FRMPD1: variants seen among roughly 807,000 people sequenced by gnomAD.
The protein encoded by FRMPD1 is FERM and PDZ domain-containing protein 1.
In FRMPD1, 76 loss-of-function variants were observed where a neutral mutation model predicts 117.8. The observed-to-expected ratio is 0.65, with a 90% confidence interval of 0.54 to 0.78. The LOEUF (loss-of-function observed/expected upper bound fraction) is 0.78, where lower values mean the gene tolerates loss of function less well. FRMPD1 is among the 30% of genes least tolerant of loss of function. The pLI is 0.00. For synonymous variants in FRMPD1, 783 were observed against 770.4 expected, an observed-to-expected ratio of 1.02 and a Z score of -0.27; for missense variants, 1,786 against 1,964.5, an observed-to-expected ratio of 0.91 and a Z score of 1.72.
intron 5 of FRMPD1, among the ~76,000 whole-genome samples, chr9:37,713,671 T>C (rs1822995337): frequency 6.6e-6 from 1 of 152,018 alleles, no homozygotes; most frequent in African/African-American, 2.4e-5. Flanking sequence ...TAACTATATA[T>C]AGTGTGTGTG....
At chr9:37,608,359 C>T in the FRMPD1 span, among the ~76,000 whole-genome samples, 2 of 150,588 alleles carry the variant, frequency 1.3e-5, no homozygotes, top group Non-Finnish European at 3.0e-5. Context: ...TGCCTACTTT[C>T]TTTCTTTCTC....
the FRMPD1 span, among the ~76,000 whole-genome samples, chr9:37,612,169 A>C: frequency 6.6e-6 from 1 of 152,060 alleles, no homozygotes; most frequent in Non-Finnish European, 1.5e-5. Flanking sequence ...TTGTGAAGTA[A>C]ACATTCATTA....
chr9:37,738,241 C>T (rs772198324), intron 14 of FRMPD1, among the ~76,000 whole-genome samples: 1 of 152,156 alleles, frequency 6.6e-6, no homozygotes, highest in African/African-American at 2.4e-5. Context: ...AGTGTTTCCT[C>T]TATATGGATA....
intron 1 of FRMPD1, among the ~76,000 whole-genome samples, chr9:37,676,194 G>A (rs2117880735): frequency 6.7e-6 from 1 of 150,084 alleles, no homozygotes; most frequent in African/African-American, 2.4e-5. Flanking sequence ...TTTCTGGAAT[G>A]TTACATGGTT....
intron 9 of FRMPD1, among the ~76,000 whole-genome samples, chr9:37,731,746 A>G (rs2118387995): frequency 6.6e-6 from 1 of 152,180 alleles, no homozygotes; most frequent in South Asian, 2.1e-4. Context: ...GGTGGCACAC[A>G]CCTACAGTTC....
At position 37,740,634 on chromosome 9, in the gene FRMPD1, C is replaced by T. The variant is rs147985108; in HGVS notation, c.2106C>T (p.Ser702=). The change falls in exon 15 of 16, where the codon AGC becomes AGT. Residue 702 remains serine (S), a synonymous_variant. Coordinates refer to ENST00000377765, the MANE Select transcript of FRMPD1 (RefSeq NM_014907.3). This position sits in a 1 kb window ranked among gnomAD's most constrained non-coding sequence, Gnocchi z 4.2. ...TGGACCCCAGGCTGTATGAAGGCAG[C>T]CACGCTGACTACTACAGCCTGTGTT... ...VRLDPRLYEG[S]HADYYSLCSS... 6.2e-7 allele frequency: 1 copy of T among 1,614,084 alleles called. No homozygotes were observed. Among genetic ancestry groups the T allele is most frequent in the Non-Finnish European group, 8.5e-7 (1 of 1,179,936 alleles).
chr9:37,636,820 G>A, the FRMPD1 span: 16 of 1,611,968 alleles, frequency 9.9e-6, no homozygotes, highest in Admixed American at 1.7e-5. Context: ...ACGCCTGCTC[G>A]ACATTGGTGG....
At chr9:37,680,087 A>G (rs1821670855) in intron 1 of FRMPD1, among the ~76,000 whole-genome samples, 1 of 152,192 alleles carries the variant, frequency 6.6e-6, no homozygotes, top group South Asian at 2.1e-4. Flanking sequence ...CCATCCCCTC[A>G]GATCCCTAGC....
At chr9:37,651,609 T>C (rs900435615) in intron 1 of FRMPD1, among the ~76,000 whole-genome samples, 23 of 152,208 alleles carry the variant, frequency 1.5e-4, no homozygotes, top group African/African-American at 4.8e-4. Context: ...CAGAAGTCAG[T>C]CTCCAGGGTC....
At chr9:37,731,842 C>T (rs571625515) in intron 9 of FRMPD1, among the ~76,000 whole-genome samples, 1 of 151,482 alleles carries the variant, frequency 6.6e-6, no homozygotes, top group East Asian at 1.9e-4. Flanking sequence ...CACTGCACTC[C>T]AGCCTGGGTG....
intron 4 of FRMPD1, among the ~76,000 whole-genome samples, chr9:37,710,288 A>C (rs558279827): frequency 1.3e-5 from 2 of 152,200 alleles, no homozygotes; most frequent in Non-Finnish European, 2.9e-5. Context: ...CACCAGCAGC[A>C]ATTGGCCTAA....
chr9:37,634,598 C>T, the FRMPD1 span, among the ~76,000 whole-genome samples: 405 of 152,256 alleles, frequency 2.7e-3, 2 homozygotes, highest in African/African-American at 8.6e-3. Context: ...CTTGTCCTGC[C>T]GCTTCCCAGT....
At position 37,701,827 on chromosome 9, in the gene FRMPD1, G is replaced by A. The variant is rs148325126; in HGVS notation, c.102-5589G>A. ...CAGGAAAGATGAGAATGGAAAGTGG[G>A]GAGACCAGTTAGCAGCCTAGTAGAA... On this transcript the variant is annotated intron_variant, in intron 2 of 15. Coordinates refer to ENST00000377765, the MANE Select transcript of FRMPD1 (RefSeq NM_014907.3). Among the ~76,000 whole-genome samples the A allele has an allele frequency of 4.3e-3, 662 of 152,226 alleles. 2 individuals are homozygous for A. The highest frequency in any genetic ancestry group is 0.015 in the African/African-American group (614 of 41,532).
intron 1 of FRMPD1, among the ~76,000 whole-genome samples, chr9:37,690,486 A>G (rs1221840110): frequency 6.6e-6 from 1 of 152,060 alleles, no homozygotes; most frequent in Non-Finnish European, 1.5e-5. Flanking sequence ...TGCTTTCCTT[A>G]GATATTTATT....
At chr9:37,683,924 GTGT>G (rs1194619842) in intron 1 of FRMPD1, among the ~76,000 whole-genome samples, 1 of 151,300 alleles carries the variant, frequency 6.6e-6, no homozygotes, top group Non-Finnish European at 1.5e-5. Context: ...GTTCTGCAGA[GTGT>G]TGTGTGAGGG....
intron 2 of FRMPD1, among the ~76,000 whole-genome samples, chr9:37,697,766 C>A (rs1348743414): frequency 6.6e-6 from 1 of 152,148 alleles, no homozygotes; most frequent in Non-Finnish European, 1.5e-5. Context: ...CTTCGTATGA[C>A]TACAGAAGTG....
intron 1 of FRMPD1, among the ~76,000 whole-genome samples, chr9:37,688,726 TA>T (rs1342309078): frequency 6.6e-6 from 1 of 152,112 alleles, no homozygotes. Flanking sequence ...AATGATGGTG[TA>T]AATGCTTAAA....
intron 13 of FRMPD1, among the ~76,000 whole-genome samples, chr9:37,736,527 G>C (rs1238002169): frequency 8.0e-6 from 1 of 124,548 alleles, no homozygotes; most frequent in Non-Finnish European, 1.6e-5. Flanking sequence ...GCAAAACTCT[G>C]TCTCAAAAAA....
chr9:37,605,682 T>TTTTA, the FRMPD1 span, among the ~76,000 whole-genome samples: 48,078 of 143,534 alleles, frequency 0.33, 8,416 homozygotes, highest in Middle Eastern at 0.41. Flanking sequence ...TCTGGTAGAA[T>TTTTA]TTTATTTATT....
Sources: allele counts gnomAD v4.1 joint callset (sites outside exome capture counted in the v4.1 genomes callset), GRCh38; gene constraint gnomAD v4.1.1; non-coding constraint Gnocchi (gnomAD v3.1); transcripts MANE v1.5; gene names NCBI Gene and HGNC (gene_info 2026-07-23, HGNC 2026-07-21).